PRAG1: variants seen among roughly 807,000 people sequenced by gnomAD.
PRAG1 encodes the protein PEAK1 related, kinase-activating pseudokinase 1, also known as inactive tyrosine-protein kinase PRAG1.
PRAG1 carries 110 observed loss-of-function variants against 95.6 expected under a neutral mutation model. The observed-to-expected ratio is 1.15, with a 90% CI of 0.99 to 1.35. PRAG1 has a LOEUF of 1.35. Ranked by LOEUF, PRAG1 falls within the 40% of genes most tolerant of loss-of-function variation. The probability of loss-of-function intolerance (pLI) is 0.00; values close to 1 mark genes in which losing one functional copy is unlikely to be tolerated. For missense variants in PRAG1, 2,554 were observed against 1,864.7 expected, an observed-to-expected ratio of 1.37 and a Z score of -6.81; for synonymous variants, 1,052 against 819.4, an observed-to-expected ratio of 1.28 and a Z score of -4.85.
In PRAG1 at chr8:8,328,439, G is replaced by C. The variant is rs778580985; in HGVS notation, c.2343C>G (p.His781Gln). 7 of 1,613,660 alleles carry C rather than the reference G, an allele frequency of 4.3e-6. No homozygotes were observed. The East Asian group carries it at 8.9e-5, about 21-fold the overall frequency. Reference protein sequence around the residue: ...SDGGPSSELAHSPTNSGKKLF... With the variant: ...SDGGPSSELAQSPTNSGKKLF... Reference sequence around the variant, plus strand: ...GCTTCTTCCCGCTGTTGGTGGGCGAGTGAGCCAGCTCAGACGAGGGACCTG... The same window carrying C: ...GCTTCTTCCCGCTGTTGGTGGGCGACTGAGCCAGCTCAGACGAGGGACCTG... Residue 781 changes from histidine (H) to glutamine (Q), a missense_variant, in exon 5 of 6, where the codon CAC becomes CAG. His to Gln is a conservative substitution (Grantham distance 24). Transcript: ENST00000615670.
intron 3 of PRAG1, among the ~76,000 whole-genome samples, chr8:8,351,718 T>G (rs1423821420): frequency 2.0e-5 from 3 of 152,170 alleles, no homozygotes; most frequent in South Asian, 4.2e-4. Context: ...CTCTATCACT[T>G]CGCTTTCAGT....
At chr8:8,329,974 G>A (rs766833100) in intron 4 of PRAG1, among the ~76,000 whole-genome samples, 6 of 152,210 alleles carry the variant, frequency 3.9e-5, no homozygotes, top group Non-Finnish European at 7.3e-5. Context: ...CACAGGAGCT[G>A]AGAACCAATG....
chr8:8,375,530 G>C (rs191265558), intron 3 of PRAG1, among the ~76,000 whole-genome samples: 89 of 151,948 alleles, frequency 5.9e-4, no homozygotes, highest in Middle Eastern at 3.4e-3. Context: ...CCACATCTGA[G>C]GGTTCCTAAC....
rs13272376 is a variant in PRAG1, at chr8:8,328,075, C to A, written c.2707G>T (p.Gly903Cys). Residue 903 changes from glycine to cysteine, a missense_variant, in exon 5 of 6, where the codon GGC (glycine) becomes TGC (cysteine). Gly to Cys is a radical substitution (Grantham distance 159). Transcript: ENST00000615670. ...LPAAGLAGNRGGCGSPGLQCK... is the reference protein window; with the variant it reads ...LPAAGLAGNRCGCGSPGLQCK... ...TGGAGGCCAGGGCTCCCGCAGCCGC[C>A]TCTGTTGCCCGCCAGCCCTGCTGCC... is the stretch of plus-strand genomic sequence containing the variant. 6.2e-7 allele frequency: 1 copy of A among 1,605,868 alleles called. No individual in the cohort carries two copies. Among genetic ancestry groups the A allele is most frequent in the Non-Finnish European group, 8.5e-7 (1 of 1,174,828 alleles).
At chr8:8,345,861 C>T (rs750265166) in intron 3 of PRAG1, among the ~76,000 whole-genome samples, 32 of 152,242 alleles carry the variant, frequency 2.1e-4, no homozygotes, top group Admixed American at 1.4e-3. Flanking sequence ...AAAAAGCATC[C>T]GCCCTGGAAA....
At chr8:8,322,395 T>A (rs1798502600) in intron 5 of PRAG1, among the ~76,000 whole-genome samples, 1 of 152,200 alleles carries the variant, frequency 6.6e-6, no homozygotes, top group South Asian at 2.1e-4. Flanking sequence ...TTGCCCAGGC[T>A]GGTCTCGAAC....
In PRAG1 at chr8:8,376,716, G is replaced by C; in HGVS notation, c.1693C>G (p.Pro565Ala). Residue 565 changes from proline (P) to alanine (A), a missense_variant, in exon 3 of 6, where the codon CCC becomes GCC. Physicochemically the swap from Pro to Ala is conservative, Grantham distance 27. Coordinates refer to ENST00000615670, the MANE Select transcript of PRAG1 (RefSeq NM_001080826.3). ...GSPVSPSAGG[P>A]PVSPLADLSD... is the part of the protein sequence containing the mutation. ...AGGTCAGCCAGCGGTGACACTGGGG[G>C]CCCTCCAGCAGACGGTGACACCGGG... The C allele has an allele frequency of 1.1e-5, 17 of 1,610,512 alleles. No individual in the cohort carries two copies. Among genetic ancestry groups the C allele is most frequent in the Non-Finnish European group, 1.4e-5 (16 of 1,179,956 alleles).
At chr8:8,344,012 C>T (rs774808325) in intron 3 of PRAG1, among the ~76,000 whole-genome samples, 1 of 151,914 alleles carries the variant, frequency 6.6e-6, no homozygotes, top group Non-Finnish European at 1.5e-5. Context: ...TCAGTATAAC[C>T]TATATCAATT....
intron 3 of PRAG1, among the ~76,000 whole-genome samples, chr8:8,355,248 T>C (rs1331247075): frequency 6.6e-6 from 1 of 152,144 alleles, no homozygotes; most frequent in Admixed American, 6.5e-5. Flanking sequence ...AAACATTAAA[T>C]GCAAGAAATT....
intron 5 of PRAG1, among the ~76,000 whole-genome samples, chr8:8,320,627 T>C (rs116084986): frequency 0.012 from 1,824 of 152,276 alleles, 29 homozygotes; most frequent in African/African-American, 0.041. Flanking sequence ...GATCAATGTG[T>C]AATGTAGAAA....
intron 1 of PRAG1, among the ~76,000 whole-genome samples, chr8:8,384,342 C>G (rs1055051974): frequency 1.3e-5 from 2 of 152,006 alleles, no homozygotes; most frequent in Non-Finnish European, 2.9e-5. Flanking sequence ...GGATTGCTAG[C>G]GTGGGGGAAG....
At chr8:8,375,318 C>T (rs535289657) in intron 3 of PRAG1, among the ~76,000 whole-genome samples, 28 of 152,150 alleles carry the variant, frequency 1.8e-4, no homozygotes, top group Non-Finnish European at 2.9e-4. Flanking sequence ...ATTCTCCTGC[C>T]TCAGCCTCCC....
At chr8:8,324,175 G>A (rs1173771089) in intron 5 of PRAG1, among the ~76,000 whole-genome samples, 1 of 152,178 alleles carries the variant, frequency 6.6e-6, no homozygotes, top group South Asian at 2.1e-4. Context: ...TCCAGAGCTG[G>A]CCTGCAGGTA....
rs183910539 is a variant in PRAG1, at chr8:8,353,229, T to A, written c.2163-13594A>T. 2.6e-5 allele frequency among the ~76,000 whole-genome samples: 4 copies of A among 152,294 alleles called. No homozygotes were observed. The South Asian group carries it at 6.2e-4, about 24-fold the overall frequency. On this transcript the variant is annotated intron_variant, in intron 3 of 5. Transcript: ENST00000615670. ...AGACCAAATGGACCTAAAAAGCATATATAGAACTTTCCATATAACAGCAGC... is the reference window on the plus strand; with the variant it reads ...AGACCAAATGGACCTAAAAAGCATAAATAGAACTTTCCATATAACAGCAGC...
chr8:8,337,870 C>T (rs1021450100), intron 4 of PRAG1, among the ~76,000 whole-genome samples: 1 of 152,194 alleles, frequency 6.6e-6, no homozygotes, highest in African/African-American at 2.4e-5. Context: ...GTGTACAATT[C>T]AGCCCCTGCT....
chr8:8,361,970 G>C (rs529214457), intron 3 of PRAG1, among the ~76,000 whole-genome samples: 4 of 152,122 alleles, frequency 2.6e-5, no homozygotes, highest in Admixed American at 1.3e-4. Flanking sequence ...CTGAATGCTG[G>C]GTAGACTCAA....
Position 8,377,682 on chromosome 8 carries a change from A to C in PRAG1, c.727T>G (p.Ser243Ala). The change falls in exon 3 of 6, where the codon TCG (serine) becomes GCG (alanine). Residue 243 changes from serine (S) to alanine (A), a missense_variant. Physicochemically the swap from Ser to Ala is moderately conservative, Grantham distance 99. Coordinates refer to ENST00000615670, the MANE Select transcript of PRAG1 (RefSeq NM_001080826.3). ...PSEDDSDQRC[S>A]PSGDSEGGEY... ...CCACCCTCGCTGTCCCCGGAGGGCG[A>C]GCACCTTTGATCACTGTCATCCTCC... 6.2e-7 allele frequency: 1 copy of C among 1,613,772 alleles called. No individual in the cohort carries two copies. Among genetic ancestry groups the C allele is most frequent in the Non-Finnish European group, 8.5e-7 (1 of 1,179,990 alleles).
At chr8:8,367,153 A>C (rs1358001705) in intron 3 of PRAG1, among the ~76,000 whole-genome samples, 1 of 152,048 alleles carries the variant, frequency 6.6e-6, no homozygotes, top group Non-Finnish European at 1.5e-5. Flanking sequence ...GATGCAACCC[A>C]AGTGTTCTCA....
chr8:8,340,839 C>CA (rs546614827), intron 3 of PRAG1, among the ~76,000 whole-genome samples: 236 of 146,446 alleles, frequency 1.6e-3, no homozygotes, highest in Non-Finnish European at 1.8e-3. Flanking sequence ...TTAAATCTGT[C>CA]AAAAAAAAAA....
Sources: allele counts gnomAD v4.1 joint callset (sites outside exome capture counted in the v4.1 genomes callset), GRCh38; gene constraint gnomAD v4.1.1; transcripts MANE v1.5; gene names NCBI Gene and HGNC (gene_info 2026-07-23, HGNC 2026-07-21).